Variants in VEZT observed in about 807,000 individuals in gnomAD.
The protein encoded by VEZT is vezatin, adherens junctions transmembrane protein, also known as vezatin.
A neutral mutation model predicts 79.9 loss-of-function variants in VEZT; 39 were observed. The ratio of observed to expected loss-of-function variants is 0.49; its 90% confidence interval spans 0.38 to 0.64. VEZT has a LOEUF of 0.64. Among genes scored for constraint, VEZT ranks in the 30% least tolerant of loss-of-function variants. VEZT has a pLI of 0.00. For synonymous variants in VEZT, 325 were observed against 327.6 expected (o/e 0.99, Z 0.09); for missense variants, 837 against 893.1 (o/e 0.94, Z 0.80).
At chr12:95,296,635 C>G (rs1296024958) in intron 11 of VEZT, 2 of 157,444 alleles carry the variant, frequency 1.3e-5, no homozygotes, top group African/African-American at 4.8e-5. Flanking sequence ...AAATTAATAA[C>G]TGTGCTCACA....
chr12:95,266,088 A>T (rs551257117), intron 4 of VEZT, among the ~76,000 whole-genome samples: 17 of 152,268 alleles, frequency 1.1e-4, no homozygotes, highest in African/African-American at 3.6e-4. Flanking sequence ...AATCAGCTTT[A>T]CCTGATTCCA....
Position 95,225,002 on chromosome 12 carries a change from G to A in VEZT, c.36+7116G>A, listed in dbSNP as rs549310153. On this transcript the variant is annotated intron_variant, in intron 1 of 11. Coordinates refer to ENST00000436874, the MANE Select transcript of VEZT (RefSeq NM_017599.4). ...TGCCACTGATCTGACAGGAGGCGGA[G>A]CTCTGATAGTAACGCTTGCTCACCC... Among the ~76,000 whole-genome samples, 6 of 152,324 alleles carry A rather than the reference G, an allele frequency of 3.9e-5. No homozygotes were observed. The East Asian group carries it at 1.2e-3, about 29-fold the overall frequency.
chr12:95,286,860 G>A lies in VEZT; in HGVS notation c.1329-804G>A, dbSNP rs76258728. 3.9e-3 allele frequency: 1,769 copies of A among 450,884 alleles called. 23 individuals are homozygous for A. Among genetic ancestry groups the A allele is most frequent in the African/African-American group, 0.034 (1,635 of 48,728 alleles). The allele number at this position is 450,884 out of a possible 1,614,324, so 27.9% of individuals were successfully genotyped here. A position where few individuals can be genotyped will look rare whatever the true frequency, so the allele number is the denominator to read the frequency against. On this transcript the variant is annotated intron_variant, in intron 8 of 11. Coordinates refer to ENST00000436874, the MANE Select transcript of VEZT (RefSeq NM_017599.4). Reference sequence around the variant, plus strand: ...CCATTTTTTATTGCAGACCTGAAGAGCTATTATTCACTGCCTCCAAGCTGC... The same window carrying A: ...CCATTTTTTATTGCAGACCTGAAGAACTATTATTCACTGCCTCCAAGCTGC...
intron 1 of VEZT, among the ~76,000 whole-genome samples, chr12:95,240,531 G>T (rs2060875745): frequency 6.6e-6 from 1 of 152,082 alleles, no homozygotes. Flanking sequence ...TTTTAATACT[G>T]TAATAACATT....
At position 95,266,496 on chromosome 12, in the gene VEZT, A is replaced by G. The variant is rs370550845; in HGVS notation, c.574A>G (p.Lys192Glu). 4 of 1,613,838 alleles carry G rather than the reference A, an allele frequency of 2.5e-6. No individual in the cohort carries two copies. The highest frequency in any genetic ancestry group is 3.4e-6 in the Non-Finnish European group (4 of 1,179,884). ...AGCTTTGAGATTATGGAGGACAGCC[A>G]AACTACAAGTGACCCTAAAAAAATA... ...IRALRLWRTA[K>E]LQVTLKKYSV... is the part of the protein sequence containing the mutation. The change falls in exon 5 of 12, where the codon AAA (lysine) becomes GAA (glutamate). Residue 192 changes from lysine (K) to glutamate (E), a missense_variant. Coordinates refer to ENST00000436874, the MANE Select transcript of VEZT (RefSeq NM_017599.4).
At chr12:95,243,713 T>C (rs550098430) in intron 1 of VEZT, among the ~76,000 whole-genome samples, 97 of 152,312 alleles carry the variant, frequency 6.4e-4, no homozygotes, top group African/African-American at 2.2e-3. Context: ...CTTTAAGAGG[T>C]AGGACCTAAT....
intron 9 of VEZT, among the ~76,000 whole-genome samples, chr12:95,291,298 TA>T (rs1292361241): frequency 6.6e-6 from 1 of 152,202 alleles, no homozygotes; most frequent in Non-Finnish European, 1.5e-5. Context: ...TCATATTTAT[TA>T]CCTCTAGGGC....
At chr12:95,263,154 C>T (rs1162283561) in intron 4 of VEZT, 73 bp downstream of exon 4, 56 of 1,322,852 alleles carry the variant, frequency 4.2e-5, no homozygotes, top group Non-Finnish European at 5.6e-5. Flanking sequence ...CATCATTGTG[C>T]TCTCCATTGT....
chr12:95,287,585 T>C, intron 8 of VEZT, 79 bp from the exon 9 acceptor site: 1 of 1,322,066 alleles, frequency 7.6e-7, no homozygotes, highest in East Asian at 2.6e-5. Context: ...TTTAAGCTTA[T>C]TTTAAAATAA....
chr12:95,249,840 A>T (rs1023820076), intron 1 of VEZT, among the ~76,000 whole-genome samples: 1 of 152,158 alleles, frequency 6.6e-6, no homozygotes, highest in Non-Finnish European at 1.5e-5. Flanking sequence ...TAGGTAATAG[A>T]GTATAATCCT....
chr12:95,253,551 G>C (rs2062960546), intron 2 of VEZT, among the ~76,000 whole-genome samples: 1 of 152,220 alleles, frequency 6.6e-6, no homozygotes, highest in Admixed American at 6.5e-5. Flanking sequence ...GCTTGGATTT[G>C]AGGTTACTTG....
At chr12:95,265,844 C>G (rs1434127841) in intron 4 of VEZT, among the ~76,000 whole-genome samples, 1 of 152,108 alleles carries the variant, frequency 6.6e-6, no homozygotes. Context: ...AAGAGATGTT[C>G]TGGTTTACAA....
At position 95,217,898 on chromosome 12, in the gene VEZT, A is replaced by C. The variant is rs949578927; in HGVS notation, c.36+12A>C. ...AGGTGGTTTTTGAGGTAAGAGGAAA[A>C]TGGCGGTGGGTGTGGATTGCCTTTG... is the stretch of plus-strand genomic sequence containing the variant. On this transcript the variant is annotated intron_variant, in intron 1 of 11. Transcript: ENST00000436874. 4.0e-6 allele frequency: 6 copies of C among 1,510,804 alleles called. No individual in the cohort carries two copies. Among genetic ancestry groups the C allele is most frequent in the Non-Finnish European group, 5.3e-6 (6 of 1,132,746 alleles). The allele number at this position is 1,510,804 out of a possible 1,614,324, so 93.6% of individuals were successfully genotyped here. A position where few individuals can be genotyped will look rare whatever the true frequency, so the allele number is the denominator to read the frequency against.
chr12:95,269,500 G>GA (rs758108510), intron 5 of VEZT, among the ~76,000 whole-genome samples: 7 of 152,098 alleles, frequency 4.6e-5, no homozygotes, highest in Non-Finnish European at 8.8e-5. Context: ...CTACTTTTAT[G>GA]AATGTACAGA....
intron 2 of VEZT, among the ~76,000 whole-genome samples, chr12:95,254,216 C>T (rs1484217258): frequency 6.6e-6 from 1 of 151,780 alleles, no homozygotes; most frequent in African/African-American, 2.4e-5. Context: ...TGGTCTCAAA[C>T]TCCTGACTTC....
At chr12:95,286,262 G>T (rs780724138) in intron 8 of VEZT, 2 of 324,710 alleles carry the variant, frequency 6.2e-6, no homozygotes, top group Non-Finnish European at 1.2e-5. Flanking sequence ...AAAGTGCTGG[G>T]ATTACAGGTG....
At chr12:95,240,385 G>A (rs966647884) in intron 1 of VEZT, among the ~76,000 whole-genome samples, 2 of 152,098 alleles carry the variant, frequency 1.3e-5, no homozygotes, top group African/African-American at 4.8e-5. Flanking sequence ...GAAGACTGAA[G>A]TTCAGTTAGA....
chr12:95,276,595 T>C (rs982230014), intron 7 of VEZT, among the ~76,000 whole-genome samples: 2 of 152,124 alleles, frequency 1.3e-5, no homozygotes, highest in African/African-American at 4.8e-5. Flanking sequence ...AAGACATTGA[T>C]CCAAATGTCT....
chr12:95,266,772 T>C, intron 5 of VEZT, 140 bp downstream of exon 5: 1 of 733,602 alleles, frequency 1.4e-6, no homozygotes, highest in Non-Finnish European at 2.1e-6. Context: ...TAAAGTCAAT[T>C]AACTGCTAAG....
Sources: gnomAD v4.1 joint callset for allele counts (sites outside exome capture counted in the v4.1 genomes callset) on GRCh38, gnomAD v4.1.1 for gene constraint, MANE v1.5 for transcripts, NCBI Gene and HGNC (gene_info 2026-07-23, HGNC 2026-07-21) for gene names.